The following PGP variants were observed in gnomAD, a reference collection of about 807,000 sequenced individuals.
The protein encoded by PGP is phosphoglycolate phosphatase, also known as aspartate-based ubiquitous Mg(2+)-dependent phosphatase.
Under a neutral mutation model 19.3 loss-of-function variants are expected in PGP, and 9 were observed. The observed-to-expected ratio is 0.47, with a 90% CI of 0.28 to 0.81. PGP has a LOEUF of 0.81. PGP is among the 40% of genes least tolerant of loss of function. PGP has a pLI of 0.11. For synonymous variants in PGP, 308 were observed against 226.8 expected (o/e 1.36, Z -3.22); for missense variants, 403 against 479.9 (o/e 0.84, Z 1.50).
At position 2,212,084 on chromosome 16, in the gene PGP, C is replaced by T. The variant is rs2093376780; in HGVS notation, c.*1644G>A. ...GACAGGATGCACGGGGACTCCCAGCCCCTACCCGGCAAGAGAGGCATCACT... is the reference window on the plus strand; with the variant it reads ...GACAGGATGCACGGGGACTCCCAGCTCCTACCCGGCAAGAGAGGCATCACT... On this transcript the variant is annotated 3_prime_UTR_variant, in exon 2 of 2. Transcript: ENST00000333503. The T allele has an allele frequency of 5.1e-6, 5 of 985,432 alleles. No individual in the cohort carries two copies. In the South Asian group the frequency reaches 1.4e-4, roughly 28 times the overall value. The allele number at this position is 985,432 out of a possible 1,614,324, so 61.0% of individuals were successfully genotyped here.
In PGP at chr16:2,211,992, C is replaced by A; in HGVS notation, c.*1736G>T. On this transcript the variant is annotated 3_prime_UTR_variant, in exon 2 of 2. Coordinates refer to ENST00000333503, the MANE Select transcript of PGP (RefSeq NM_001042371.3). ...AAGGTGAGAGCAAGGACACCTGAGCCAGTGTGGGTTTGAGAGTTTAATCTG... is the reference window on the plus strand; with the variant it reads ...AAGGTGAGAGCAAGGACACCTGAGCAAGTGTGGGTTTGAGAGTTTAATCTG... 1.0e-6 allele frequency: 1 copy of A among 985,548 alleles called. No homozygotes were observed. Among genetic ancestry groups the A allele is most frequent in the East Asian group, 1.1e-4 (1 of 8,824 alleles). The allele number at this position is 985,548 out of a possible 1,614,324, so 61.1% of individuals were successfully genotyped here. A position where few individuals can be genotyped will look rare whatever the true frequency, so the allele number is the denominator to read the frequency against.
rs938977783 is a variant in PGP, at chr16:2,212,403, G to C, written c.*1325C>G. 5.1e-6 allele frequency: 5 copies of C among 985,824 alleles called. No homozygotes were observed. 61.1% of individuals were successfully genotyped at this position (985,824 alleles called of 1,614,324 possible). On this transcript the variant is annotated 3_prime_UTR_variant, in exon 2 of 2. Coordinates refer to ENST00000333503, the MANE Select transcript of PGP (RefSeq NM_001042371.3). The stretch of plus-strand genomic sequence containing the variant: ...GCGCTGGTAGGGAGCCAGCCAGAAG[G>C]TGCAGCATCCCGGGATGGCCCTGCT...
chr16:2,211,751 G>A lies in PGP; in HGVS notation c.*1977C>T. 4.1e-6 allele frequency: 4 copies of A among 985,478 alleles called. No individual in the cohort carries two copies. The highest frequency in any genetic ancestry group is 3.6e-6 in the Non-Finnish European group (3 of 829,996). 61.0% of individuals were successfully genotyped at this position (985,478 alleles called of 1,614,324 possible). On this transcript the variant is annotated 3_prime_UTR_variant, in exon 2 of 2. Transcript: ENST00000333503. The stretch of plus-strand genomic sequence containing the variant: ...CTTCTGAGCTCTGCTCCCTGCCCTG[G>A]GCGCTCTGACACGGCAGCCCACCAG...
chr16:2,214,168 G>A lies in PGP; in HGVS notation c.610C>T (p.Leu204Phe). Residue 204 changes from leucine to phenylalanine, a missense_variant, in exon 1 of 2, where the codon CTT becomes TTT. Coordinates refer to ENST00000333503, the MANE Select transcript of PGP (RefSeq NM_001042371.3). The surrounding 1 kb of genome is among the most constrained non-coding windows in gnomAD (Gnocchi z 7.1). ...LLVGTNMDNRLPLENGRFIAG... is the reference protein window; with the variant it reads ...LLVGTNMDNRFPLENGRFIAG... ...ATGAAGCGGCCGTTCTCAAGCGGAA[G>A]CCGGTTGTCCATGTTGGTGCCCACG... 6 of 1,592,728 alleles carry A rather than the reference G, an allele frequency of 3.8e-6. No individual in the cohort carries two copies. The highest frequency in any genetic ancestry group is 1.8e-4 in the Middle Eastern group (1 of 5,666).
At position 2,214,653 on chromosome 16, in the gene PGP, C is replaced by T. The variant is rs1201861078; in HGVS notation, c.125G>A (p.Gly42Glu). 1 of 1,445,638 alleles carries T rather than the reference C, an allele frequency of 6.9e-7. No individual in the cohort carries two copies. Among genetic ancestry groups the T allele is most frequent in the Non-Finnish European group, 9.1e-7 (1 of 1,101,212 alleles). 89.6% of individuals were successfully genotyped at this position (1,445,638 alleles called of 1,614,324 possible). A position where few individuals can be genotyped will look rare whatever the true frequency, so the allele number is the denominator to read the frequency against. Residue 42 changes from glycine (G) to glutamate (E), a missense_variant, in exon 1 of 2, where the codon GGG (glycine) becomes GAG (glutamate). Coordinates refer to ENST00000333503, the MANE Select transcript of PGP (RefSeq NM_001042371.3). This position sits in a 1 kb window ranked among gnomAD's most constrained non-coding sequence, Gnocchi z 7.1. ...GGGCGCGCCAGGCACGGCGGTCTCC[C>T]CGCGCCACAGCACGCCGTCGCAGTC... ...LFDCDGVLWR[G>E]ETAVPGAPEA...
At position 2,212,395 on chromosome 16, in the gene PGP, G is replaced by A. The variant is rs2093377714; in HGVS notation, c.*1333C>T. The A allele has an allele frequency of 2.0e-6, 2 of 985,932 alleles. No homozygotes were observed. Among genetic ancestry groups the A allele is most frequent in the Non-Finnish European group, 2.4e-6 (2 of 830,146 alleles). 61.1% of individuals were successfully genotyped at this position (985,932 alleles called of 1,614,324 possible). On this transcript the variant is annotated 3_prime_UTR_variant, in exon 2 of 2. Transcript: ENST00000333503. ...AGGGAAAGGCGCTGGTAGGGAGCCA[G>A]CCAGAAGGTGCAGCATCCCGGGATG...
chr16:2,214,094 G>GACCC lies in PGP; in HGVS notation c.641-42_641-41insGGGT. The GACCC allele has an allele frequency of 5.8e-6, 9 of 1,544,856 alleles. No individual in the cohort carries two copies. The highest frequency in any genetic ancestry group is 4.8e-5 in the South Asian group (4 of 83,696). On this transcript the variant is annotated intron_variant, in intron 1 of 1. Transcript: ENST00000333503. This position sits in a 1 kb window ranked among gnomAD's most constrained non-coding sequence, Gnocchi z 7.1. ...GACCGGGTCAAAGGGCAGGGAGGGGGCCCGCCGCCCGCCCCCCAGCCTCCC... is the reference window on the plus strand; with the variant it reads ...GACCGGGTCAAAGGGCAGGGAGGGGGACCCCCCGCCGCCCGCCCCCCAGCCTCCC...
rs553331149 is a variant in PGP at position 2,213,814 on chromosome 16, C to G, written c.880G>C (p.Glu294Gln). Residue 294 changes from glutamate to glutamine, a missense_variant, in exon 2 of 2, where the codon GAA (glutamate) becomes CAA (glutamine). Physicochemically the swap from Glu to Gln is conservative, Grantham distance 29 (BLOSUM62 2). Coordinates refer to ENST00000333503, the MANE Select transcript of PGP (RefSeq NM_001042371.3). ...STLGDVKNNQ[E>Q]SDCVSKKKMV... is the part of the protein sequence containing the mutation. Reference sequence around the variant, plus strand: ...TTCTTCTTAGACACGCAGTCACTTTCCTGATTATTCTTCACATCCCCTAGA... The same window carrying G: ...TTCTTCTTAGACACGCAGTCACTTTGCTGATTATTCTTCACATCCCCTAGA... The G allele has an allele frequency of 6.2e-6, 10 of 1,606,226 alleles. No homozygotes were observed. Among genetic ancestry groups the G allele is most frequent in the Admixed American group, 1.7e-5 (1 of 59,678 alleles).
In PGP at chr16:2,214,568, G is replaced by C; in HGVS notation, c.210C>G (p.Ser70Arg). 1 of 1,471,104 alleles carries C rather than the reference G, an allele frequency of 6.8e-7. No homozygotes were observed. The highest frequency in any genetic ancestry group is 9.0e-7 in the Non-Finnish European group (1 of 1,115,214). 91.1% of individuals were successfully genotyped at this position (1,471,104 alleles called of 1,614,324 possible). ...GKRLGFITNN[S>R]SKTRAAYAEK... ...CGGCGTAGGCAGCGCGGGTCTTGCT[G>C]CTGTTGTTGGTGATGAAGCCCAGGC... Residue 70 changes from serine (S) to arginine (R), a missense_variant, in exon 1 of 2, where the codon AGC becomes AGG. Coordinates refer to ENST00000333503, the MANE Select transcript of PGP (RefSeq NM_001042371.3). This position sits in a 1 kb window ranked among gnomAD's most constrained non-coding sequence, Gnocchi z 7.1.
In PGP at chr16:2,214,204, C is replaced by T. The variant is rs753364802; in HGVS notation, c.574G>A (p.Gly192Ser). 3 of 1,595,976 alleles carry T rather than the reference C, an allele frequency of 1.9e-6. No individual in the cohort carries two copies. The highest frequency in any genetic ancestry group is 1.7e-5 in the Admixed American group (1 of 59,870). Residue 192 changes from glycine to serine, a missense_variant, in exon 1 of 2, where the codon GGC becomes AGC. Gly to Ser is a moderately conservative substitution (Grantham distance 56, BLOSUM62 0). Coordinates refer to ENST00000333503, the MANE Select transcript of PGP (RefSeq NM_001042371.3). This position sits in a 1 kb window ranked among gnomAD's most constrained non-coding sequence, Gnocchi z 7.1. The stretch of plus-strand genomic sequence containing the variant: ...ATGTTGGTGCCCACGAGCAGGCAGC[C>T]GGGCTGCTGCAGGTAGCGCAGGGCC... The part of the protein sequence containing the change: ...TKALRYLQQP[G>S]CLLVGTNMDN...
chr16:2,212,817 G>A lies in PGP; in HGVS notation c.*911C>T. 9 of 985,516 alleles carry A rather than the reference G, an allele frequency of 9.1e-6. No homozygotes were observed. The highest frequency in any genetic ancestry group is 1.1e-5 in the Non-Finnish European group (9 of 829,952). The allele number at this position is 985,516 out of a possible 1,614,324, so 61.0% of individuals were successfully genotyped here. On this transcript the variant is annotated 3_prime_UTR_variant, in exon 2 of 2. Coordinates refer to ENST00000333503, the MANE Select transcript of PGP (RefSeq NM_001042371.3). ...TGCTTCAGCCGCGCTGCCGGCTGCAGGGCACAGAGGCTCCTTCAGTGGAAT... is the reference window on the plus strand; with the variant it reads ...TGCTTCAGCCGCGCTGCCGGCTGCAAGGCACAGAGGCTCCTTCAGTGGAAT...
Position 2,214,367 on chromosome 16 carries a change from G to A in PGP, c.411C>T (p.Gly137=), listed in dbSNP as rs1243700415. ...PALAAELEAV[G]VASVGVGPEP... is the part of the protein sequence containing the mutation. ...CGGGCCCCACGCCCACGCTGGCGAC[G>A]CCCACGGCCTCCAGCTCCGCGGCCA... The change falls in exon 1 of 2, where the codon GGC becomes GGT. Residue 137 remains glycine, a synonymous_variant. Coordinates refer to ENST00000333503, the MANE Select transcript of PGP (RefSeq NM_001042371.3). The surrounding 1 kb of genome is among the most constrained non-coding windows in gnomAD (Gnocchi z 7.1). 2 of 1,491,614 alleles carry A rather than the reference G, an allele frequency of 1.3e-6. No individual in the cohort carries two copies. Among genetic ancestry groups the A allele is most frequent in the Non-Finnish European group, 8.9e-7 (1 of 1,129,728 alleles). 92.4% of individuals were successfully genotyped at this position (1,491,614 alleles called of 1,614,324 possible).
At position 2,213,887 on chromosome 16, in the gene PGP, G is replaced by T; in HGVS notation, c.807C>A (p.Gly269=). ...GGATGGTCTTCAGGCCACAGGTGGC[G>T]CCTAGGAGGATGTCTGTGTCCAGGC... The part of the protein sequence containing the change: ...GDRLDTDILL[G]ATCGLKTILT... The change falls in exon 2 of 2, where the codon GGC becomes GGA. Residue 269 remains glycine (G), a synonymous_variant. Transcript: ENST00000333503. The T allele has an allele frequency of 1.2e-6, 2 of 1,613,250 alleles. No individual in the cohort carries two copies. The highest frequency in any genetic ancestry group is 1.7e-6 in the Non-Finnish European group (2 of 1,179,482).
rs772018657 is a variant in PGP, at chr16:2,214,127, G to A, written c.640+11C>T. ...CCCGCCCCCCAGCCTCCCGCCCCAG[G>A]GCGCACGGACCCGCGATGAAGCGGC... is the stretch of plus-strand genomic sequence containing the variant. On this transcript the variant is annotated intron_variant, in intron 1 of 1. Transcript: ENST00000333503. The surrounding 1 kb of genome is among the most constrained non-coding windows in gnomAD (Gnocchi z 7.1). 6.8e-5 allele frequency: 84 copies of A among 1,232,986 alleles called. No individual in the cohort carries two copies. In the East Asian group the frequency reaches 3.2e-3, roughly 47 times the overall value. 76.4% of individuals were successfully genotyped at this position (1,232,986 alleles called of 1,614,324 possible).
rs1450773702 is a variant in PGP at position 2,211,683 on chromosome 16, G to A, written c.*2045C>T. The A allele has an allele frequency of 3.5e-5, 34 of 984,824 alleles. No homozygotes were observed. Among genetic ancestry groups the A allele is most frequent in the South Asian group, 4.7e-5 (1 of 21,294 alleles). 61.0% of individuals were successfully genotyped at this position (984,824 alleles called of 1,614,324 possible). On this transcript the variant is annotated 3_prime_UTR_variant, in exon 2 of 2. Coordinates refer to ENST00000333503, the MANE Select transcript of PGP (RefSeq NM_001042371.3). ...TCCACCTGCCTCAGCCTTCCAAAGC[G>A]TTGGGATTACGGGTGTGAGCCACTG...
Position 2,211,899 on chromosome 16 carries a change from G to A in PGP, c.*1829C>T, listed in dbSNP as rs1047394072. ...AGTTGGCATTCCAGCTCTGGAGTTG[G>A]AACCCCAGTTACCCATCTACTTTGA... On this transcript the variant is annotated 3_prime_UTR_variant, in exon 2 of 2. Transcript: ENST00000333503. 17 of 985,520 alleles carry A rather than the reference G, an allele frequency of 1.7e-5. No homozygotes were observed. Among genetic ancestry groups the A allele is most frequent in the Non-Finnish European group, 2.0e-5 (17 of 829,968 alleles). The allele number at this position is 985,520 out of a possible 1,614,324, so 61.0% of individuals were successfully genotyped here.
chr16:2,213,238 G>C lies in PGP; in HGVS notation c.*490C>G, dbSNP rs2093379875. On this transcript the variant is annotated 3_prime_UTR_variant, in exon 2 of 2. Transcript: ENST00000333503. ...CCGCCTCCTCCACTCCCACCCTGCTGGGAGGCACAGGGACACAGAAGGCTC... is the reference window on the plus strand; with the variant it reads ...CCGCCTCCTCCACTCCCACCCTGCTCGGAGGCACAGGGACACAGAAGGCTC... 1.0e-6 allele frequency: 1 copy of C among 985,918 alleles called. No homozygotes were observed. The highest frequency in any genetic ancestry group is 1.7e-5 in the African/African-American group (1 of 57,366). The allele number at this position is 985,918 out of a possible 1,614,324, so 61.1% of individuals were successfully genotyped here.
In PGP at chr16:2,214,603, G is replaced by A; in HGVS notation, c.175C>T (p.Arg59Cys). ...GTGATGAAGCCCAGGCGCTTGCCGC[G>A]GGCTCGCAGCGCCCGCAGGGCCTCG... ...APEALRALRA[R>C]GKRLGFITNN... Residue 59 changes from arginine (R) to cysteine (C), a missense_variant, in exon 1 of 2, where the codon CGC (arginine) becomes TGC (cysteine). Physicochemically the swap from Arg to Cys is radical, Grantham distance 180. Transcript: ENST00000333503. This position sits in a 1 kb window ranked among gnomAD's most constrained non-coding sequence, Gnocchi z 7.1. 2.7e-6 allele frequency: 4 copies of A among 1,463,960 alleles called. No homozygotes were observed. Among genetic ancestry groups the A allele is most frequent in the African/African-American group, 1.5e-5 (1 of 67,960 alleles). 90.7% of individuals were successfully genotyped at this position (1,463,960 alleles called of 1,614,324 possible).
rs1126 is a variant in PGP, at chr16:2,212,112, G to C, written c.*1616C>G. Reference sequence around the variant, plus strand: ...TACCCGGCAAGAGAGGCATCACTGAGGCTGCATCTGCCATGCGCTCCTGGT... The same window carrying C: ...TACCCGGCAAGAGAGGCATCACTGACGCTGCATCTGCCATGCGCTCCTGGT... On this transcript the variant is annotated 3_prime_UTR_variant, in exon 2 of 2. Coordinates refer to ENST00000333503, the MANE Select transcript of PGP (RefSeq NM_001042371.3). The C allele has an allele frequency of 0.48, 471,346 of 985,456 alleles. 113,604 individuals carry two copies. The highest frequency in any genetic ancestry group is 0.62 in the East Asian group (5,448 of 8,800). The allele number at this position is 985,456 out of a possible 1,614,324, so 61.0% of individuals were successfully genotyped here.
Sources: gnomAD v4.1 joint callset for allele counts on GRCh38, gnomAD v4.1.1 for gene constraint, Gnocchi (gnomAD v3.1) non-coding constraint, MANE v1.5 for transcripts, NCBI Gene and HGNC (gene_info 2026-07-23, HGNC 2026-07-21) for gene names.